CTNNA2: variants seen among roughly 807,000 people sequenced by gnomAD.
CTNNA2 encodes the protein catenin alpha 2, also known as catenin alpha-2.
CTNNA2 carries 42 observed loss-of-function variants against 101.0 expected under a neutral mutation model. The observed-to-expected ratio is 0.42, with a 90% confidence interval of 0.32 to 0.54. The LOEUF is 0.54. Among genes scored for constraint, CTNNA2 ranks in the 20% least tolerant of loss-of-function variants. CTNNA2 has a pLI of 0.14. For missense variants in CTNNA2, 871 were observed against 1,223.1 expected, an observed-to-expected ratio of 0.71 and a Z score of 4.29; for synonymous variants, 450 against 456.4, an observed-to-expected ratio of 0.99 and a Z score of 0.18.
intron 6 of CTNNA2, among the ~76,000 whole-genome samples, chr2:79,890,121 C>T (rs554994299): frequency 1.8e-4 from 27 of 152,270 alleles, no homozygotes; most frequent in African/African-American, 6.5e-4. Context: ...TTTAGTTTCA[C>T]ATTAAATATG....
intron 3 of CTNNA2, among the ~76,000 whole-genome samples, chr2:79,364,423 G>T (rs1221942323): frequency 6.6e-6 from 1 of 152,156 alleles, no homozygotes; most frequent in Non-Finnish European, 1.5e-5. Context: ...AATATGTTGT[G>T]ATTTATAGGG....
At chr2:80,519,046 G>A (rs1405081942) in intron 9 of CTNNA2, among the ~76,000 whole-genome samples, 1 of 152,056 alleles carries the variant, frequency 6.6e-6, no homozygotes, top group Non-Finnish European at 1.5e-5. Context: ...TTTTCATGGG[G>A]CAGTGAAAAA....
At chr2:79,587,604 G>A (rs575059491) in intron 1 of CTNNA2, among the ~76,000 whole-genome samples, 9 of 151,932 alleles carry the variant, frequency 5.9e-5, no homozygotes, top group African/African-American at 9.7e-5. Context: ...TGACACACAG[G>A]TGCATAAAAC....
At position 80,303,361 on chromosome 2, in the gene CTNNA2, C is replaced by G. The variant is rs1463444648; in HGVS notation, c.1057-89850C>G. 6 of 1,614,074 alleles carry G rather than the reference C, an allele frequency of 3.7e-6. No homozygotes were observed. Among genetic ancestry groups the G allele is most frequent in the Non-Finnish European group, 5.1e-6 (6 of 1,180,044 alleles). ...TCCGCAGCCCGTGGAAGAGGTCGGGCGCGAGCGCCTGCAGCTTGTTGTACG... is the reference window on the plus strand; with the variant it reads ...TCCGCAGCCCGTGGAAGAGGTCGGGGGCGAGCGCCTGCAGCTTGTTGTACG... On this transcript the variant is annotated intron_variant, in intron 7 of 18. Coordinates refer to ENST00000402739, the MANE Select transcript of CTNNA2 (RefSeq NM_001282597.3). The surrounding 1 kb of genome is among the most constrained non-coding windows in gnomAD (Gnocchi z 7.7).
intron 7 of CTNNA2, among the ~76,000 whole-genome samples, chr2:80,291,487 T>G (rs1378436157): frequency 6.6e-6 from 1 of 152,228 alleles, no homozygotes; most frequent in Non-Finnish European, 1.5e-5. Context: ...ACCTCAGATG[T>G]GTACTTCATC....
intron 7 of CTNNA2, among the ~76,000 whole-genome samples, chr2:80,041,431 C>T (rs1558753047): frequency 6.6e-6 from 1 of 151,956 alleles, no homozygotes; most frequent in East Asian, 1.9e-4. Context: ...TTGTGCTGTT[C>T]GTTAGACTGG....
At chr2:80,113,032 G>T (rs946019905) in intron 7 of CTNNA2, among the ~76,000 whole-genome samples, 2 of 152,106 alleles carry the variant, frequency 1.3e-5, no homozygotes, top group Non-Finnish European at 2.9e-5. Context: ...AGTGCTGTGT[G>T]GCTGTCATGC....
At chr2:79,661,879 AT>A (rs1437084302) in intron 2 of CTNNA2, among the ~76,000 whole-genome samples, 1 of 152,048 alleles carries the variant, frequency 6.6e-6, no homozygotes. Context: ...AGATCACATA[AT>A]TAAAGGTCTA....
chr2:80,088,233 G>T (rs1453190923), intron 7 of CTNNA2, among the ~76,000 whole-genome samples: 1 of 151,986 alleles, frequency 6.6e-6, no homozygotes, highest in Non-Finnish European at 1.5e-5. Context: ...AATACTTGTT[G>T]TTTATTCAGG....
chr2:80,201,738 C>A (rs912422496), intron 7 of CTNNA2, among the ~76,000 whole-genome samples: 5 of 152,148 alleles, frequency 3.3e-5, no homozygotes, highest in African/African-American at 7.2e-5. Flanking sequence ...CCCAGTGTTT[C>A]AACATGCAGG....
intron 3 of CTNNA2, among the ~76,000 whole-genome samples, chr2:79,847,676 T>G (rs2103882096): frequency 6.7e-6 from 1 of 148,810 alleles, no homozygotes; most frequent in Admixed American, 6.7e-5. Context: ...CATGATGCCC[T>G]CCAAGGTATT....
chr2:80,604,219 T>C, intron 16 of CTNNA2, 40 bp downstream of exon 16: 1 of 1,523,270 alleles, frequency 6.6e-7, no homozygotes, highest in Non-Finnish European at 9.1e-7. Context: ...CTGAGTGGAG[T>C]CACTAATTAG....
At chr2:79,833,884 G>A (rs769679923) in intron 3 of CTNNA2, among the ~76,000 whole-genome samples, 29 of 151,920 alleles carry the variant, frequency 1.9e-4, no homozygotes, top group East Asian at 3.9e-4. Context: ...TGAATGTATC[G>A]TTTACCATTT....
Position 80,458,169 on chromosome 2 carries a change from A to AT in CTNNA2, c.1290+38577dup, listed in dbSNP as rs149897703. ...CTTTGAAGAAATAAATAAACCTTCG[A>AT]TTTTTTTTTAGAAATATTTAGAGTA... is the stretch of plus-strand genomic sequence containing the variant. On this transcript the variant is annotated intron_variant, in intron 9 of 18. Transcript: ENST00000402739. Among the ~76,000 whole-genome samples, 603 of 151,738 alleles carry AT rather than the reference A, an allele frequency of 4.0e-3. 1 individual carries two copies. Among genetic ancestry groups the AT allele is most frequent in the Admixed American group, 7.0e-3 (106 of 15,216 alleles).
At chr2:80,088,486 T>C (rs1334822953) in intron 7 of CTNNA2, among the ~76,000 whole-genome samples, 2 of 152,050 alleles carry the variant, frequency 1.3e-5, no homozygotes, top group African/African-American at 4.8e-5. Flanking sequence ...GTTTAGCATA[T>C]GTTTGTGGAA....
intron 8 of CTNNA2, among the ~76,000 whole-genome samples, chr2:80,402,445 G>T (rs1678641968): frequency 1.3e-5 from 2 of 152,076 alleles, no homozygotes; most frequent in African/African-American, 2.4e-5. Flanking sequence ...TCACATGGTT[G>T]GTTTCCCTTG....
chr2:80,250,202 A>AGTGT lies in CTNNA2; in HGVS notation c.1057-143008_1057-143007insTGTG, dbSNP rs1344701609. 4.2e-4 allele frequency among the ~76,000 whole-genome samples: 60 copies of AGTGT among 142,272 alleles called. 1 individual carries two copies. Among genetic ancestry groups the AGTGT allele is most frequent in the Middle Eastern group, 3.4e-3 (1 of 290 alleles). 93.3% of individuals were successfully genotyped at this position (142,272 alleles called of 152,430 possible). A position where few individuals can be genotyped will look rare whatever the true frequency, so the allele number is the denominator to read the frequency against. ...TGGGGGGAGAGAGAGAGAGAGAGAG[A>AGTGT]GAGTGTGTGTGTGTGTGTGTGTGTG... On this transcript the variant is annotated intron_variant, in intron 7 of 18. Transcript: ENST00000402739.
At chr2:80,624,651 TA>T (rs1014949688) in intron 18 of CTNNA2, among the ~76,000 whole-genome samples, 25 of 151,622 alleles carry the variant, frequency 1.6e-4, no homozygotes, top group African/African-American at 4.9e-4. Context: ...CTTCTGTATT[TA>T]TTTTTTTTAT....
chr2:79,990,729 C>T (rs1574486017), intron 7 of CTNNA2, among the ~76,000 whole-genome samples: 1 of 152,282 alleles, frequency 6.6e-6, no homozygotes, highest in Middle Eastern at 3.4e-3. Flanking sequence ...GGATATTGGT[C>T]TAAAATTCTC....
Sources: allele counts gnomAD v4.1 joint callset (sites outside exome capture counted in the v4.1 genomes callset), GRCh38; gene constraint gnomAD v4.1.1; non-coding constraint Gnocchi (gnomAD v3.1); transcripts MANE v1.5; gene names NCBI Gene and HGNC (gene_info 2026-07-23, HGNC 2026-07-21).